Variants in RBM39 observed in about 807,000 individuals in gnomAD.
RBM39 encodes RNA-binding protein 39.
Under a neutral mutation model 79.6 loss-of-function variants are expected in RBM39, and 12 were observed. That is an observed-to-expected ratio of 0.15 (90% CI 0.10 to 0.24). RBM39 has a LOEUF of 0.24. RBM39 is among the 10% of genes least tolerant of loss of function. The pLI is 1.00. For synonymous variants in RBM39, 185 were observed against 208.4 expected, an observed-to-expected ratio of 0.89 and a Z score of 0.97; for missense variants, 243 against 653.4, an observed-to-expected ratio of 0.37 and a Z score of 6.85.
intron 3 of RBM39, chr20:35,736,651 C>G: frequency 2.2e-6 from 1 of 459,566 alleles, no homozygotes; most frequent in Non-Finnish European, 4.5e-6. Flanking sequence ...GTAAGTATGA[C>G]AGATTTTTAT....
intron 9 of RBM39, 97 bp from the exon 10 acceptor site, chr20:35,716,902 T>C: frequency 1.3e-6 from 1 of 744,326 alleles, no homozygotes; most frequent in South Asian, 1.7e-5. Flanking sequence ...AGTCTCCTCA[T>C]CCTCCAAAAT....
chr20:35,730,225 T>C (rs2039217429), intron 4 of RBM39, among the ~76,000 whole-genome samples: 1 of 152,224 alleles, frequency 6.6e-6, no homozygotes, highest in African/African-American at 2.4e-5. Context: ...AACAGAGTGT[T>C]TTCACAAAGA....
Position 35,717,450 on chromosome 20 carries a change from T to C in RBM39, c.826-645A>G, listed in dbSNP as rs904970018. Among the ~76,000 whole-genome samples the C allele has an allele frequency of 5.9e-5, 9 of 152,128 alleles. No homozygotes were observed. In the East Asian group the frequency reaches 1.5e-3, roughly 26 times the overall value. On this transcript the variant is annotated intron_variant, in intron 9 of 16. Coordinates refer to ENST00000253363, the MANE Select transcript of RBM39 (RefSeq NM_184234.3). ...CCAGAAATCCTTCGTAAATTACCAA[T>C]AGAAGGTAGAAACAAAATCAACGTT...
intron 6 of RBM39, among the ~76,000 whole-genome samples, chr20:35,726,353 G>T (rs1211007646): frequency 1.3e-5 from 2 of 150,608 alleles, no homozygotes; most frequent in African/African-American, 4.9e-5. Context: ...GGATGGTCTT[G>T]ATCTCCTGAT....
rs1023299846 is a variant in RBM39 at position 35,724,671 on chromosome 20, T to A, written c.586A>T (p.Ile196Phe). Residue 196 changes from isoleucine (I) to phenylalanine (F), a missense_variant, in exon 8 of 17, where the codon ATT becomes TTT. By Grantham distance (21) the Ile-to-Phe change is conservative. Coordinates refer to ENST00000253363, the MANE Select transcript of RBM39 (RefSeq NM_184234.3). The stretch of plus-strand genomic sequence containing the variant: ...ACATCGACGAACTCCACATAAGCAA[T>A]TCCTTTGGAACGTCTTGAATTTCTG... ...SDRNSRRSKG[I>F]AYVEFVDVSS... 1 of 1,614,112 alleles carries A rather than the reference T, an allele frequency of 6.2e-7. No individual in the cohort carries two copies. Among genetic ancestry groups the A allele is most frequent in the Non-Finnish European group, 8.5e-7 (1 of 1,179,966 alleles).
At chr20:35,724,864 C>T (rs545978861) in intron 7 of RBM39, 142 bp from the exon 8 acceptor site, 2 of 1,177,238 alleles carry the variant, frequency 1.7e-6, no homozygotes, top group East Asian at 5.0e-5. Context: ...TATATCCTAT[C>T]TTTATCTTTG....
intron 8 of RBM39, 21 bp downstream of exon 8, chr20:35,724,549 C>T: frequency 1.2e-6 from 2 of 1,612,394 alleles, no homozygotes; most frequent in Non-Finnish European, 1.7e-6. Flanking sequence ...TAATCAAACT[C>T]TTAACCAACA....
intron 15 of RBM39, chr20:35,704,989 G>A (rs2035544778): frequency 1.7e-6 from 1 of 585,262 alleles, no homozygotes; most frequent in African/African-American, 1.9e-5. Flanking sequence ...AAGATGCCAA[G>A]ATTTCATGGC....
chr20:35,721,470 T>A (rs2037929357), intron 9 of RBM39, among the ~76,000 whole-genome samples: 1 of 152,196 alleles, frequency 6.6e-6, no homozygotes, highest in Non-Finnish European at 1.5e-5. Flanking sequence ...ATTACAGGCA[T>A]GAGCCACCAT....
chr20:35,728,504 A>T lies in RBM39; in HGVS notation c.416+808T>A, dbSNP rs1569050119. Among the ~76,000 whole-genome samples, 4 of 152,102 alleles carry T rather than the reference A, an allele frequency of 2.6e-5. No homozygotes were observed. In the South Asian group the frequency reaches 8.3e-4, roughly 32 times the overall value. ...TACATTAAAATAACTTTAGACTGGG[A>T]GTGGTGGCTCCTGCCTGTAATCCCA... is the stretch of plus-strand genomic sequence containing the variant. On this transcript the variant is annotated intron_variant, in intron 6 of 16. Coordinates refer to ENST00000253363, the MANE Select transcript of RBM39 (RefSeq NM_184234.3).
chr20:35,741,681 T>C (rs865794160), intron 1 of RBM39: 1 of 151,958 alleles, frequency 6.6e-6, no homozygotes. Context: ...ACTGGCGCCA[T>C]GTTGGGAGGT....
intron 3 of RBM39, chr20:35,734,722 A>T: frequency 9.8e-7 from 1 of 1,022,846 alleles, no homozygotes; most frequent in Non-Finnish European, 1.3e-6. Flanking sequence ...CCAGGCAGGT[A>T]AAAAGACAGC....
In RBM39 at chr20:35,702,650, A is replaced by G. The variant is rs979640388; in HGVS notation, c.*1831T>C. The G allele has an allele frequency of 1.3e-5, 2 of 152,296 alleles. No homozygotes were observed. Among genetic ancestry groups the G allele is most frequent in the Admixed American group, 6.5e-5 (1 of 15,286 alleles). The allele number at this position is 152,296 out of a possible 1,614,324, so 9.4% of individuals were successfully genotyped here. On this transcript the variant is annotated 3_prime_UTR_variant, in exon 17 of 17. Coordinates refer to ENST00000253363, the MANE Select transcript of RBM39 (RefSeq NM_184234.3). ...TCTGGTATTGAAAAGTAAATTTTCA[A>G]TGAGGCTGGGCGCGGTGGCTCATGC...
chr20:35,718,298 A>G (rs2037429898), intron 9 of RBM39, among the ~76,000 whole-genome samples: 1 of 152,002 alleles, frequency 6.6e-6, no homozygotes, highest in African/African-American at 2.4e-5. Flanking sequence ...AAAAACGGGT[A>G]AGGGCTGCCT....
chr20:35,705,905 T>C (rs2035669640), intron 14 of RBM39, among the ~76,000 whole-genome samples: 1 of 151,384 alleles, frequency 6.6e-6, no homozygotes, highest in South Asian at 2.1e-4. Context: ...AAAGTGACTT[T>C]TAAATAGTTA....
chr20:35,732,275 A>AAAAAATGG (rs2146690952), intron 3 of RBM39, 140 bp from the exon 4 acceptor site: 1 of 624,624 alleles, frequency 1.6e-6, no homozygotes, highest in Non-Finnish European at 2.4e-6. Context: ...GTACATAATC[A>AAAAAATGG]TACTTAAAAA....
chr20:35,736,053 A>G (rs917660574), intron 3 of RBM39, among the ~76,000 whole-genome samples: 1 of 152,244 alleles, frequency 6.6e-6, no homozygotes, highest in Admixed American at 6.5e-5. Flanking sequence ...TCTGTACCCA[A>G]AAGTGTACGT....
At chr20:35,713,901 A>G (rs533205956) in intron 11 of RBM39, 1 of 296,198 alleles carries the variant, frequency 3.4e-6, no homozygotes, top group Admixed American at 4.8e-5. Context: ...AACTTGTAAC[A>G]TTATAATAGC....
chr20:35,709,173 T>A, intron 13 of RBM39, 51 bp downstream of exon 13: 1 of 1,479,366 alleles, frequency 6.8e-7, no homozygotes, highest in Non-Finnish European at 9.2e-7. Context: ...TCTTACTACA[T>A]TTAATTCTAT....
Sources: gnomAD v4.1 joint callset for allele counts (sites outside exome capture counted in the v4.1 genomes callset) on GRCh38, gnomAD v4.1.1 for gene constraint, MANE v1.5 for transcripts, NCBI Gene and HGNC (gene_info 2026-07-23, HGNC 2026-07-21) for gene names.